Variants in SCARA5 observed in about 807,000 individuals in gnomAD.
SCARA5 encodes the protein scavenger receptor class A member 5, also known as scavenger receptor class A, member 5 (putative).
In SCARA5, 45 loss-of-function variants were observed where a neutral mutation model predicts 46.3. That is an observed-to-expected ratio of 0.97 (90% CI 0.76 to 1.24). The LOEUF (loss-of-function observed/expected upper bound fraction) is 1.24, where lower values mean the gene tolerates loss of function less well. SCARA5 is among the 50% of genes most tolerant of loss of function. SCARA5 has a pLI of 0.00. For missense variants in SCARA5, 680 were observed against 689.0 expected (o/e 0.99, Z 0.15); for synonymous variants, 333 against 306.5 (o/e 1.09, Z -0.90).
intron 6 of SCARA5, among the ~76,000 whole-genome samples, chr8:27,905,523 T>TGGCGGCGGGGG (rs751627046): frequency 1.9e-5 from 1 of 53,696 alleles, no homozygotes; most frequent in Non-Finnish European, 5.1e-5. Context: ...ATCCAAGATT[T>TGGCGGCGGGGG]GGGGGGGGGA....
intron 3 of SCARA5, among the ~76,000 whole-genome samples, chr8:27,952,663 T>C (rs1808146911): frequency 6.6e-6 from 1 of 152,244 alleles, no homozygotes; most frequent in Admixed American, 6.5e-5. Flanking sequence ...GTCTTTCTAT[T>C]AAGCCTTAAA....
intron 3 of SCARA5, among the ~76,000 whole-genome samples, chr8:27,960,566 C>T (rs766302462): frequency 2.0e-5 from 3 of 152,130 alleles, no homozygotes; most frequent in East Asian, 1.9e-4. Flanking sequence ...GGGGTAGGCA[C>T]CACGATCAAC....
Position 27,921,963 on chromosome 8 carries a change from C to A in SCARA5, c.524G>T (p.Gly175Val). Residue 175 changes from glycine to valine, a missense_variant, in exon 4 of 9, where the codon GGC becomes GTC. By Grantham distance (109) the Gly-to-Val change is moderately radical. Transcript: ENST00000354914. ...CAGCTGCGCCGTGTCGCTCTGCTGG[C>A]CCGTGCGGTCCCGCAGCAGGGCCAC... ...QAVALLRDRT[G>V]QQSDTAQLEL... 1 of 1,539,956 alleles carries A rather than the reference C, an allele frequency of 6.5e-7. No individual in the cohort carries two copies. The highest frequency in any genetic ancestry group is 1.9e-5 in the Admixed American group (1 of 52,364).
intron 7 of SCARA5, among the ~76,000 whole-genome samples, chr8:27,890,457 TC>T (rs1266829151): frequency 6.6e-6 from 1 of 152,240 alleles, no homozygotes; most frequent in Non-Finnish European, 1.5e-5. Context: ...GTCTTGTTTG[TC>T]CATGGCCCCT....
intron 7 of SCARA5, among the ~76,000 whole-genome samples, chr8:27,898,958 C>T (rs1462542831): frequency 3.3e-5 from 5 of 152,212 alleles, no homozygotes; most frequent in African/African-American, 4.8e-5. Context: ...GGAAGCTCTG[C>T]ACCCCATCCC....
chr8:27,918,211 A>T (rs1433184859), intron 4 of SCARA5, among the ~76,000 whole-genome samples: 1 of 152,192 alleles, frequency 6.6e-6, no homozygotes, highest in Non-Finnish European at 1.5e-5. Context: ...ATTACCAGCC[A>T]TGAGGCCTTG....
At chr8:27,912,607 G>A (rs1439304800) in intron 4 of SCARA5, among the ~76,000 whole-genome samples, 1 of 152,236 alleles carries the variant, frequency 6.6e-6, no homozygotes. Flanking sequence ...TGCAGCAAAG[G>A]GAACTGGGAG....
chr8:27,949,039 C>T (rs928262387), intron 3 of SCARA5, among the ~76,000 whole-genome samples: 2 of 152,290 alleles, frequency 1.3e-5, no homozygotes, highest in Non-Finnish European at 2.9e-5. Flanking sequence ...GGAAGCCACC[C>T]TCCTTGTCCC....
intron 2 of SCARA5, among the ~76,000 whole-genome samples, chr8:27,985,316 G>A (rs1173667288): frequency 1.3e-5 from 2 of 152,244 alleles, no homozygotes; most frequent in Admixed American, 6.5e-5. Context: ...GCACACTGGG[G>A]GATGCCAGGG....
chr8:27,908,407 C>T (rs763218496), intron 5 of SCARA5, among the ~76,000 whole-genome samples: 14 of 152,312 alleles, frequency 9.2e-5, no homozygotes, highest in Admixed American at 5.9e-4. Context: ...GCCCTGGCCC[C>T]ATGAGGCCTG....
At chr8:27,980,069 G>A (rs1808590182) in intron 2 of SCARA5, among the ~76,000 whole-genome samples, 1 of 152,226 alleles carries the variant, frequency 6.6e-6, no homozygotes, top group Non-Finnish European at 1.5e-5. Flanking sequence ...TGCAGTAGGA[G>A]GGAGGAGAGA....
At chr8:27,920,638 AAAACAAAAAAAC>A (rs1299274720) in intron 4 of SCARA5, among the ~76,000 whole-genome samples, 2 of 151,082 alleles carry the variant, frequency 1.3e-5, no homozygotes, top group African/African-American at 4.9e-5. Context: ...AAAACAAAAC[AAAACAAAAAAAC>A]AAACAAAAAA....
intron 3 of SCARA5, among the ~76,000 whole-genome samples, chr8:27,932,356 C>T (rs1455148691): frequency 3.9e-5 from 6 of 152,326 alleles, no homozygotes; most frequent in East Asian, 1.9e-4. Flanking sequence ...TAACTACTGT[C>T]GATCTTCTGT....
rs751201778 is a variant in SCARA5, at chr8:27,987,489, G to A, written c.112+15C>T. ...GCCAGATCTTGTGCCCCAAGTCTGA[G>A]CCAGCTGCACTCACCATCCTCACAC... On this transcript the variant is annotated intron_variant, in intron 2 of 8. Transcript: ENST00000354914. 6.3e-7 allele frequency: 1 copy of A among 1,584,914 alleles called. No homozygotes were observed. Among genetic ancestry groups the A allele is most frequent in the South Asian group, 1.1e-5 (1 of 90,492 alleles).
intron 3 of SCARA5, among the ~76,000 whole-genome samples, chr8:27,923,452 C>G (rs1057428301): frequency 6.6e-6 from 1 of 152,232 alleles, no homozygotes; most frequent in African/African-American, 2.4e-5. Flanking sequence ...ATACTTGTCA[C>G]CCAATCAGAG....
At chr8:27,873,922 C>T (rs1472583653) in intron 8 of SCARA5, among the ~76,000 whole-genome samples, 8 of 152,148 alleles carry the variant, frequency 5.3e-5, no homozygotes, top group Non-Finnish European at 1.0e-4. Flanking sequence ...TGGTGGTGCA[C>T]GCCTGTAATC....
intron 3 of SCARA5, among the ~76,000 whole-genome samples, chr8:27,938,501 CTG>C (rs1807891492): frequency 3.9e-5 from 6 of 152,252 alleles, no homozygotes; most frequent in Admixed American, 6.5e-5. Flanking sequence ...CAAATTTAGA[CTG>C]TGTTCTCAAA....
intron 7 of SCARA5, chr8:27,885,920 C>A (rs1292327321): frequency 6.5e-6 from 1 of 154,426 alleles, no homozygotes; most frequent in Non-Finnish European, 1.5e-5. Context: ...AAACAAGACA[C>A]CTTCAAAAAA....
At chr8:27,947,691 C>T (rs1194025776) in intron 3 of SCARA5, among the ~76,000 whole-genome samples, 2 of 141,682 alleles carry the variant, frequency 1.4e-5, no homozygotes, top group African/African-American at 2.7e-5. Context: ...CTGAACATGG[C>T]GAAACCGTGT....
Sources: gnomAD v4.1 joint callset for allele counts (sites outside exome capture counted in the v4.1 genomes callset) on GRCh38, gnomAD v4.1.1 for gene constraint, MANE v1.5 for transcripts, NCBI Gene and HGNC (gene_info 2026-07-23, HGNC 2026-07-21) for gene names.